ARHGAP15: variants seen among roughly 807,000 people sequenced by gnomAD.
ARHGAP15 encodes Rho GTPase activating protein 15.
In ARHGAP15, 51 loss-of-function variants were observed where a neutral mutation model predicts 63.7. The ratio of observed to expected loss-of-function variants is 0.80; its 90% CI spans 0.64 to 1.01. ARHGAP15 has a LOEUF of 1.01. ARHGAP15 is among the 50% of genes least tolerant of loss of function. The pLI, the probability that ARHGAP15 is intolerant of heterozygous loss-of-function variation, is 0.00. For missense variants in ARHGAP15, 560 were observed against 564.6 expected (o/e 0.99, Z 0.08); for synonymous variants, 191 against 193.8 (o/e 0.99, Z 0.12).
chr2:143,595,440 C>T (rs114054953), intron 11 of ARHGAP15, among the ~76,000 whole-genome samples: 1,834 of 152,110 alleles, frequency 0.012, 37 homozygotes, highest in African/African-American at 0.043. Flanking sequence ...CAGATAGTGT[C>T]CTTCTATTTT....
At chr2:143,200,283 G>A (rs1692056500) in intron 2 of ARHGAP15, among the ~76,000 whole-genome samples, 1 of 151,942 alleles carries the variant, frequency 6.6e-6, no homozygotes, top group Non-Finnish European at 1.5e-5. Flanking sequence ...TATCTCCTTG[G>A]ATTTTTACTT....
intron 8 of ARHGAP15, chr2:143,437,379 T>C: frequency 4.4e-6 from 1 of 229,560 alleles, no homozygotes; most frequent in Admixed American, 5.4e-5. Flanking sequence ...CCTGACTATT[T>C]TATTTGCATA....
At chr2:143,702,904 C>T (rs560322770) in intron 12 of ARHGAP15, among the ~76,000 whole-genome samples, 1 of 152,144 alleles carries the variant, frequency 6.6e-6, no homozygotes, top group Non-Finnish European at 1.5e-5. Flanking sequence ...GAAAAATCTC[C>T]CCATCTCAAA....
chr2:143,659,846 C>T (rs1015106567), intron 12 of ARHGAP15, among the ~76,000 whole-genome samples: 1 of 151,982 alleles, frequency 6.6e-6, no homozygotes, highest in African/African-American at 2.4e-5. Flanking sequence ...TGTGTTCTGC[C>T]CATTTCTCTG....
intron 9 of ARHGAP15, among the ~76,000 whole-genome samples, chr2:143,496,575 G>GTT (rs1379038429): frequency 6.6e-6 from 1 of 152,208 alleles, no homozygotes; most frequent in East Asian, 1.9e-4. Flanking sequence ...CTACAAAATG[G>GTT]TTTTACCAGT....
intron 1 of ARHGAP15, among the ~76,000 whole-genome samples, chr2:143,138,963 G>A (rs1342370007): frequency 3.3e-5 from 5 of 151,956 alleles, no homozygotes; most frequent in African/African-American, 9.7e-5. Flanking sequence ...AACTACATGT[G>A]TGTGGCTCAT....
chr2:143,200,501 C>T (rs150218176), intron 2 of ARHGAP15, among the ~76,000 whole-genome samples: 45 of 151,862 alleles, frequency 3.0e-4, no homozygotes, highest in African/African-American at 9.7e-4. Flanking sequence ...AGACATAGTA[C>T]TCAGGTCTGC....
At chr2:143,362,377 G>T (rs1284521810) in intron 6 of ARHGAP15, among the ~76,000 whole-genome samples, 1 of 152,112 alleles carries the variant, frequency 6.6e-6, no homozygotes, top group Non-Finnish European at 1.5e-5. Flanking sequence ...TCTTCTCTGG[G>T]CTTCTTTGGC....
intron 11 of ARHGAP15, among the ~76,000 whole-genome samples, chr2:143,591,614 C>CTTTTTTTTTTTTTTTTTTTTTTTT (rs67060048): frequency 8.1e-6 from 1 of 124,108 alleles, no homozygotes; most frequent in African/African-American, 2.8e-5. Context: ...TTTGTTTGTT[C>CTTTTTTTTTTTTTTTTTTTTTTTT]TTTTTTTTTT....
In ARHGAP15 at chr2:143,571,323, G is replaced by A. The variant is rs576483555; in HGVS notation, c.1003+14838G>A. Among the ~76,000 whole-genome samples, 14 of 152,244 alleles carry A rather than the reference G, an allele frequency of 9.2e-5. No homozygotes were observed. The South Asian group carries it at 1.9e-3, about 20-fold the overall frequency. ...AATCTGTGAAAAAATTGTCTTCCAC[G>A]AAACTGGTCCCTGGTGCCAAAATGG... On this transcript the variant is annotated intron_variant, in intron 11 of 13. Transcript: ENST00000295095.
chr2:143,193,838 G>A (rs544367422), intron 2 of ARHGAP15, among the ~76,000 whole-genome samples: 91 of 152,286 alleles, frequency 6.0e-4, no homozygotes, highest in South Asian at 3.3e-3. Context: ...ACATATCATG[G>A]ATTAAATTAG....
At chr2:143,204,509 C>T (rs926695882) in intron 3 of ARHGAP15, among the ~76,000 whole-genome samples, 1 of 152,036 alleles carries the variant, frequency 6.6e-6, no homozygotes, top group Non-Finnish European at 1.5e-5. Flanking sequence ...AGGCATTAAT[C>T]CTATTCATGA....
chr2:143,428,395 C>A (rs558572283), intron 6 of ARHGAP15, among the ~76,000 whole-genome samples: 1 of 151,746 alleles, frequency 6.6e-6, no homozygotes, highest in South Asian at 2.1e-4. Flanking sequence ...CACTGCACTG[C>A]AACAGCTGTG....
At chr2:143,673,758 G>GTGTGTATATATATATA (rs1553520615) in intron 12 of ARHGAP15, among the ~76,000 whole-genome samples, 13 of 22,126 alleles carry the variant, frequency 5.9e-4, no homozygotes, top group African/African-American at 8.9e-4. Context: ...GTGTGTGTGT[G>GTGTGTATATATATATA]TATATATATA....
intron 10 of ARHGAP15, among the ~76,000 whole-genome samples, chr2:143,532,759 G>T (rs1049451632): frequency 6.6e-6 from 1 of 152,174 alleles, no homozygotes; most frequent in African/African-American, 2.4e-5. Flanking sequence ...CTAGAATATG[G>T]TAACTTTTAA....
chr2:143,642,205 CTT>C (rs1574756523), intron 12 of ARHGAP15, among the ~76,000 whole-genome samples: 1 of 151,810 alleles, frequency 6.6e-6, no homozygotes, highest in Non-Finnish European at 1.5e-5. Context: ...GTTTTTTTCT[CTT>C]TTTTGTTTTC....
chr2:143,369,217 A>T (rs1231633747), intron 6 of ARHGAP15, among the ~76,000 whole-genome samples: 1 of 152,116 alleles, frequency 6.6e-6, no homozygotes, highest in East Asian at 1.9e-4. Flanking sequence ...TGTTCATCTC[A>T]TTTCCATAAT....
At chr2:143,392,428 T>A (rs1477518026) in intron 6 of ARHGAP15, among the ~76,000 whole-genome samples, 1 of 152,202 alleles carries the variant, frequency 6.6e-6, no homozygotes, top group African/African-American at 2.4e-5. Context: ...ATGTCATCTA[T>A]TTTTTCAACA....
chr2:143,634,825 T>C (rs916266651), intron 12 of ARHGAP15, among the ~76,000 whole-genome samples: 2 of 152,056 alleles, frequency 1.3e-5, no homozygotes, highest in Non-Finnish European at 2.9e-5. Flanking sequence ...CCAACCCCAC[T>C]TGGATAATCC....
Sources: gnomAD v4.1 joint callset for allele counts (sites outside exome capture counted in the v4.1 genomes callset) on GRCh38, gnomAD v4.1.1 for gene constraint, MANE v1.5 for transcripts, NCBI Gene and HGNC (gene_info 2026-07-23, HGNC 2026-07-21) for gene names.